Variants in RCC1 observed in about 807,000 individuals in gnomAD.
RCC1 encodes regulator of chromosome condensation 1, also known as regulator of chromosome condensation.
Under a neutral mutation model 44.4 loss-of-function variants are expected in RCC1, and 11 were observed. The observed-to-expected ratio is 0.25, with a 90% CI of 0.16 to 0.41. The LOEUF (loss-of-function observed/expected upper bound fraction) is 0.41. RCC1 is among the 10% of genes least tolerant of loss of function. RCC1 has a pLI of 1.00. For missense variants in RCC1, 386 were observed against 547.1 expected, an observed-to-expected ratio of 0.71 and a Z score of 2.94; for synonymous variants, 213 against 216.5, an observed-to-expected ratio of 0.98 and a Z score of 0.14.
chr1:28,522,947 G>A (rs1224092375), intron 4 of RCC1, among the ~76,000 whole-genome samples: 4 of 151,784 alleles, frequency 2.6e-5, no homozygotes, highest in Non-Finnish European at 5.9e-5. Flanking sequence ...TCTTTCCTAG[G>A]GAAAGGAGGA....
chr1:28,516,093 G>T (rs1188257151), intron 3 of RCC1, among the ~76,000 whole-genome samples: 1 of 151,940 alleles, frequency 6.6e-6, no homozygotes, highest in East Asian at 1.9e-4. Flanking sequence ...TGAAGCAGGA[G>T]AATTGCTTGA....
At chr1:28,532,656 T>TC (rs1557878876) in intron 7 of RCC1, 1 of 505,642 alleles carries the variant, frequency 2.0e-6, no homozygotes, top group East Asian at 5.1e-5. Flanking sequence ...GACTTCTGTC[T>TC]CCCCCTCACC....
At chr1:28,514,888 AAT>A (rs796762227) in intron 3 of RCC1, among the ~76,000 whole-genome samples, 15 of 151,210 alleles carry the variant, frequency 9.9e-5, no homozygotes, top group African/African-American at 3.7e-4. Context: ...AAAATAAATA[AAT>A]ATTTCTTCCA....
chr1:28,527,174 C>T, intron 4 of RCC1: 1 of 1,236,570 alleles, frequency 8.1e-7, no homozygotes. Flanking sequence ...CAAGGAATGG[C>T]ACTCACATGC....
intron 7 of RCC1, among the ~76,000 whole-genome samples, chr1:28,533,694 T>C (rs1436557230): frequency 1.6e-4 from 18 of 109,738 alleles, no homozygotes; most frequent in Middle Eastern, 8.6e-3. Flanking sequence ...TGTTTGAACC[T>C]GGGAGGCGGA....
At chr1:28,513,306 T>C (rs1430529955) in intron 3 of RCC1, among the ~76,000 whole-genome samples, 1 of 152,106 alleles carries the variant, frequency 6.6e-6, no homozygotes, top group Non-Finnish European at 1.5e-5. Flanking sequence ...GCAATTTTCA[T>C]GCCTCAGCCT....
intron 3 of RCC1, chr1:28,510,961 AAATG>A (rs1357907877): frequency 2.0e-5 from 3 of 152,218 alleles, no homozygotes; most frequent in African/African-American, 7.2e-5. Context: ...GCTGGGCAGG[AAATG>A]AATGAATTTC....
chr1:28,526,554 G>T (rs1447583981), intron 4 of RCC1: 2 of 577,362 alleles, frequency 3.5e-6, no homozygotes, highest in East Asian at 3.1e-5. Flanking sequence ...AAATTCCTTA[G>T]CTTTGTCACT....
At chr1:28,513,194 G>A (rs980808480) in intron 3 of RCC1, among the ~76,000 whole-genome samples, 1 of 151,774 alleles carries the variant, frequency 6.6e-6, no homozygotes, top group Non-Finnish European at 1.5e-5. Context: ...GCACCACCAC[G>A]CCCAGCTAAT....
intron 4 of RCC1, among the ~76,000 whole-genome samples, chr1:28,527,580 T>C (rs1223653431): frequency 6.6e-6 from 1 of 152,156 alleles, no homozygotes; most frequent in South Asian, 2.1e-4. Flanking sequence ...AGAAAATAGC[T>C]CTTCTCCCCC....
At chr1:28,514,082 T>G (rs1268543174) in intron 3 of RCC1, among the ~76,000 whole-genome samples, 15 of 151,062 alleles carry the variant, frequency 9.9e-5, no homozygotes, top group African/African-American at 3.4e-4. Flanking sequence ...GGCAGAAGAT[T>G]GCTTGAACCT....
At chr1:28,532,638 A>G (rs1664250785) in intron 7 of RCC1, 1 of 516,684 alleles carries the variant, frequency 1.9e-6, no homozygotes, top group African/African-American at 1.9e-5. Flanking sequence ...GTCTTCACCC[A>G]TCTCCCTGAC....
intron 4 of RCC1, among the ~76,000 whole-genome samples, chr1:28,523,174 A>G (rs1294694495): frequency 6.6e-6 from 1 of 151,656 alleles, no homozygotes; most frequent in Non-Finnish European, 1.5e-5. Flanking sequence ...TAGGACTACA[A>G]GCGCCCGCCA....
chr1:28,530,029 A>C, intron 5 of RCC1, 90 bp downstream of exon 5: 1 of 1,028,792 alleles, frequency 9.7e-7, no homozygotes. Context: ...TGAGGCTTGA[A>C]GCTGAAGGGT....
rs770489367 is a variant in RCC1 at position 28,536,807 on chromosome 1, A to C, written c.998A>C (p.Glu333Ala). 1.2e-4 allele frequency: 197 copies of C among 1,613,908 alleles called. No individual in the cohort carries two copies. Among genetic ancestry groups the C allele is most frequent in the Non-Finnish European group, 1.5e-4 (178 of 1,179,974 alleles). ...CGGCTGGGCCTTGGAGAGGGTGCTG[A>C]GGAGAAGAGCATACCCACCCTCATC... is the stretch of plus-strand genomic sequence containing the variant. Reference protein sequence around the residue: ...YGRLGLGEGAEEKSIPTLISR... With the variant: ...YGRLGLGEGAAEKSIPTLISR... Residue 333 changes from glutamate to alanine, a missense_variant, in exon 12 of 13, where the codon GAG becomes GCG. Glu to Ala is a moderately radical substitution (Grantham distance 107, BLOSUM62 -1). Transcript: ENST00000683442. This position sits in a 1 kb window ranked among gnomAD's most constrained non-coding sequence, Gnocchi z 4.9.
chr1:28,537,351 ACCAC>A (rs1489747848), intron 12 of RCC1, among the ~76,000 whole-genome samples: 2 of 152,144 alleles, frequency 1.3e-5, no homozygotes, highest in African/African-American at 4.8e-5. Flanking sequence ...TGAACAAGTG[ACCAC>A]CAAAGCCTGA....
chr1:28,515,391 T>C (rs906471713), intron 3 of RCC1, among the ~76,000 whole-genome samples: 3 of 151,738 alleles, frequency 2.0e-5, no homozygotes, highest in African/African-American at 7.3e-5. Context: ...GCCACTGCAC[T>C]CCAGCCTGGA....
chr1:28,516,766 A>AG lies in RCC1; in HGVS notation c.-110dup, dbSNP rs1348477241. 1 of 455,370 alleles carries AG rather than the reference A, an allele frequency of 2.2e-6. No individual in the cohort carries two copies. Among genetic ancestry groups the AG allele is most frequent in the African/African-American group, 2.0e-5 (1 of 49,992 alleles). The allele number at this position is 455,370 out of a possible 1,614,324, so 28.2% of individuals were successfully genotyped here. On this transcript the variant is annotated 5_prime_UTR_variant, in exon 4 of 13. The change abolishes the stop of an existing upstream ORF in the 5' untranslated region. Coordinates refer to ENST00000683442, the MANE Select transcript of RCC1 (RefSeq NM_001381865.2). The stretch of plus-strand genomic sequence containing the variant: ...GATCTTGGAGGAAGACAGCAGAGAG[A>AG]GAGAGAGAGATCAGAGATCCCAGGG...
In RCC1 at chr1:28,528,403, C is replaced by T. The variant is rs373940714; in HGVS notation, c.-9-1455C>T. 5.9e-5 allele frequency among the ~76,000 whole-genome samples: 9 copies of T among 152,260 alleles called. 1 individual carries two copies. Among genetic ancestry groups the T allele is most frequent in the South Asian group, 4.1e-4 (2 of 4,828 alleles). ...CCCAGGAGGCAGAGGTTGCATGAGC[C>T]GAGATCGCACCATTGCACTCTAGCC... is the stretch of plus-strand genomic sequence containing the variant. On this transcript the variant is annotated intron_variant, in intron 4 of 12. Coordinates refer to ENST00000683442, the MANE Select transcript of RCC1 (RefSeq NM_001381865.2).
Sources: allele counts gnomAD v4.1 joint callset (sites outside exome capture counted in the v4.1 genomes callset), GRCh38; gene constraint gnomAD v4.1.1; non-coding constraint Gnocchi (gnomAD v3.1); transcripts MANE v1.5; gene names NCBI Gene and HGNC (gene_info 2026-07-23, HGNC 2026-07-21).